Variants in ZNF254 observed in about 807,000 individuals in gnomAD.
ZNF254 encodes zinc finger protein 254.
A neutral mutation model predicts 12.4 loss-of-function variants in ZNF254; 10 were observed. That is an observed-to-expected ratio of 0.80 (90% confidence interval 0.50 to 1.36). The LOEUF is 1.36. Ranked by LOEUF, ZNF254 falls within the 40% of genes most tolerant of loss-of-function variation. ZNF254 has a pLI of 0.00. For synonymous variants in ZNF254, 305 were observed against 253.4 expected, an observed-to-expected ratio of 1.20 and a Z score of -1.93; for missense variants, 996 against 763.9, an observed-to-expected ratio of 1.30 and a Z score of -3.58.
chr19:24,100,781 A>C (rs1347904706), intron 1 of ZNF254, among the ~76,000 whole-genome samples: 1 of 150,874 alleles, frequency 6.6e-6, no homozygotes, highest in Non-Finnish European at 1.5e-5. Context: ...TACAATACTT[A>C]AGCTTGGCCC....
chr19:24,038,600 A>T (rs918876137), intron 1 of ZNF254, among the ~76,000 whole-genome samples: 2 of 152,198 alleles, frequency 1.3e-5, no homozygotes, highest in African/African-American at 2.4e-5. Flanking sequence ...ACTAAACAGG[A>T]TATGAACACA....
intron 1 of ZNF254, among the ~76,000 whole-genome samples, chr19:24,093,088 T>G (rs1313304103): frequency 6.7e-6 from 1 of 148,620 alleles, no homozygotes; most frequent in Non-Finnish European, 1.5e-5. Context: ...TAGCCACATG[T>G]TTGTCTTCTT....
At chr19:24,107,934 C>T (rs1260602205) in intron 3 of ZNF254, among the ~76,000 whole-genome samples, 1 of 152,158 alleles carries the variant, frequency 6.6e-6, no homozygotes, top group Non-Finnish European at 1.5e-5. Flanking sequence ...TTAAAAGGAG[C>T]TTGGATAGTT....
At chr19:24,049,214 A>ATATATTT (rs1160333151) in intron 2 of ZNF254, among the ~76,000 whole-genome samples, 35 of 40,848 alleles carry the variant, frequency 8.6e-4, no homozygotes, top group African/African-American at 1.2e-3. Flanking sequence ...ATATATATAT[A>ATATATTT]TTTTTTTTTT....
intron 3 of ZNF254, among the ~76,000 whole-genome samples, chr19:24,124,951 A>T (rs1259601330): frequency 6.6e-6 from 1 of 151,758 alleles, no homozygotes; most frequent in Non-Finnish European, 1.5e-5. Flanking sequence ...TGCCTGGCTA[A>T]TTTTTATAGT....
chr19:24,036,844 T>G (rs1425071000), intron 1 of ZNF254, among the ~76,000 whole-genome samples: 1 of 152,182 alleles, frequency 6.6e-6, no homozygotes, highest in Non-Finnish European at 1.5e-5. Context: ...GATTTCCGCC[T>G]ACTAATGAAC....
chr19:24,107,796 A>C (rs1973435572), intron 3 of ZNF254, among the ~76,000 whole-genome samples: 8 of 152,210 alleles, frequency 5.3e-5, no homozygotes, highest in Admixed American at 5.2e-4. Flanking sequence ...CTGGTTTCAG[A>C]AAGTAAAAAT....
intron 3 of ZNF254, among the ~76,000 whole-genome samples, chr19:24,116,131 T>C (rs901811804): frequency 2.6e-5 from 4 of 152,174 alleles, no homozygotes; most frequent in Non-Finnish European, 5.9e-5. Context: ...CCTTAACATT[T>C]TTTCCTTCGT....
chr19:24,044,635 A>T lies in ZNF254; in HGVS notation c.-189-1549A>T, dbSNP rs184527956. Reference sequence around the variant, plus strand: ...TATTTTGTTTTATATGTGCATATTTATGCTAGTTTTGTGGATCTTATATTT... The same window carrying T: ...TATTTTGTTTTATATGTGCATATTTTTGCTAGTTTTGTGGATCTTATATTT... On this transcript the variant is annotated intron_variant, in intron 1 of 4. Coordinates refer to the ZNF254 transcript ENST00000613065. Among the ~76,000 whole-genome samples, 942 of 149,994 alleles carry T rather than the reference A, an allele frequency of 6.3e-3. 11 individuals carry two copies. The highest frequency in any genetic ancestry group is 0.02 in the African/African-American group (822 of 41,198).
intron 2 of ZNF254, among the ~76,000 whole-genome samples, chr19:24,052,058 A>T (rs73928516): frequency 6.6e-6 from 1 of 152,096 alleles, no homozygotes; most frequent in Non-Finnish European, 1.5e-5. Context: ...ACTCTCTTGC[A>T]TGGGCCCTCC....
At chr19:24,062,152 T>C (rs1270617447) in intron 2 of ZNF254, among the ~76,000 whole-genome samples, 1 of 151,608 alleles carries the variant, frequency 6.6e-6, no homozygotes, top group African/African-American at 2.4e-5. Context: ...ATGAAGGTTA[T>C]AGAGAATTAC....
At chr19:24,053,886 T>C (rs1488200110) in intron 2 of ZNF254, among the ~76,000 whole-genome samples, 1 of 152,206 alleles carries the variant, frequency 6.6e-6, no homozygotes, top group Non-Finnish European at 1.5e-5. Context: ...CTGTTTTCCC[T>C]GGGCCTCAAA....
At chr19:24,109,527 C>T (rs1305585150) in intron 3 of ZNF254, among the ~76,000 whole-genome samples, 1 of 151,978 alleles carries the variant, frequency 6.6e-6, no homozygotes, top group Non-Finnish European at 1.5e-5. Flanking sequence ...AGACAATCGG[C>T]AATTCTGTTT....
Position 24,049,214 on chromosome 19 carries a change from A to ATATAT in ZNF254, c.-94+2936_-94+2937insATATT, listed in dbSNP as rs1160333151. ...TATATATATATATATATATATATAT[A>ATATAT]TTTTTTTTTTTTTTTTAATTTATTT... On this transcript the variant is annotated intron_variant, in intron 2 of 4. Transcript: ENST00000613065. Among the ~76,000 whole-genome samples the ATATAT allele has an allele frequency of 7.4e-3, 303 of 40,774 alleles. 4 individuals carry two copies. Among genetic ancestry groups the ATATAT allele is most frequent in the African/African-American group, 0.01 (73 of 7,270 alleles). 26.7% of individuals were successfully genotyped at this position (40,774 alleles called of 152,430 possible).
At chr19:24,076,342 G>A (rs763128113) in intron 2 of ZNF254, among the ~76,000 whole-genome samples, 2 of 152,130 alleles carry the variant, frequency 1.3e-5, no homozygotes, top group African/African-American at 2.4e-5. Flanking sequence ...ATTCTGCTGC[G>A]GCTTCAGCCA....
intron 3 of ZNF254, among the ~76,000 whole-genome samples, chr19:24,116,421 C>T (rs1217065704): frequency 4.6e-5 from 7 of 151,934 alleles, no homozygotes; most frequent in Non-Finnish European, 4.4e-5. Context: ...CTCTAAACTT[C>T]CCTTCTCGCT....
intron 2 of ZNF254, among the ~76,000 whole-genome samples, chr19:24,061,704 C>G (rs1223777539): frequency 8.5e-5 from 13 of 152,162 alleles, no homozygotes; most frequent in Non-Finnish European, 1.6e-4. Flanking sequence ...TATCTCGGCC[C>G]AGCTCACAGG....
upstream of ZNF254, among the ~76,000 whole-genome samples, chr19:24,083,782 A>G (rs929699580): frequency 8.5e-5 from 13 of 152,190 alleles, no homozygotes; most frequent in African/African-American, 2.9e-4. Flanking sequence ...CAAAACCACA[A>G]TGTGATACCA....
In ZNF254 at chr19:24,105,973, T is replaced by G; in HGVS notation, c.64T>G (p.Phe22Val). The G allele has an allele frequency of 1.3e-6, 2 of 1,598,774 alleles. No individual in the cohort carries two copies. Among genetic ancestry groups the G allele is most frequent in the South Asian group, 2.2e-5 (2 of 90,954 alleles). ...LLTFRDVAIE[F>V]SLEEWQHLDI... ...GACATTTAGGGATGTGGCCATAGAA[T>G]TCTCTCTGGAGGAGTGGCAACACCT... is the stretch of plus-strand genomic sequence containing the variant. The change falls in exon 2 of 4, where the codon TTC becomes GTC. Residue 22 changes from phenylalanine to valine, a missense_variant. By Grantham distance (50) the Phe-to-Val change is conservative. Transcript: ENST00000357002.
Sources: gnomAD v4.1 joint callset for allele counts (sites outside exome capture counted in the v4.1 genomes callset) on GRCh38, gnomAD v4.1.1 for gene constraint, MANE v1.5 for transcripts, NCBI Gene and HGNC (gene_info 2026-07-23, HGNC 2026-07-21) for gene names.